Variants in SPOCK3 observed in about 807,000 individuals in gnomAD.
SPOCK3 encodes testican-3.
Under a neutral mutation model 56.6 loss-of-function variants are expected in SPOCK3, and 30 were observed. The ratio of observed to expected loss-of-function variants is 0.53; its 90% CI spans 0.40 to 0.72. SPOCK3 has a LOEUF of 0.72. Ranked by LOEUF, SPOCK3 falls within the 30% of genes least tolerant of loss-of-function variation. SPOCK3 has a pLI of 0.00. For synonymous variants in SPOCK3, 196 were observed against 183.3 expected (o/e 1.07, Z -0.56); for missense variants, 527 against 530.0 (o/e 0.99, Z 0.06).
intron 4 of SPOCK3, among the ~76,000 whole-genome samples, chr4:166,987,228 G>C (rs1747267074): frequency 2.0e-5 from 3 of 152,102 alleles, no homozygotes; most frequent in Admixed American, 2.0e-4. Context: ...AACATGCCAA[G>C]TCCGTTTCTG....
At chr4:166,774,588 G>C (rs1423736607) in intron 7 of SPOCK3, among the ~76,000 whole-genome samples, 5 of 152,136 alleles carry the variant, frequency 3.3e-5, no homozygotes, top group Non-Finnish European at 7.4e-5. Context: ...AAATATTCTT[G>C]TATTTCTTGC....
chr4:166,907,056 C>T (rs531720104), intron 5 of SPOCK3, among the ~76,000 whole-genome samples: 28 of 152,088 alleles, frequency 1.8e-4, no homozygotes, highest in African/African-American at 5.8e-4. Context: ...TATATACACA[C>T]ACATTATACA....
intron 3 of SPOCK3, among the ~76,000 whole-genome samples, chr4:167,018,378 C>T (rs113827530): frequency 6.6e-6 from 1 of 152,078 alleles, no homozygotes. Flanking sequence ...TCACTCTCCA[C>T]CTGGGGTCCT....
chr4:167,039,022 G>A (rs1460443687), intron 3 of SPOCK3, among the ~76,000 whole-genome samples: 2 of 152,154 alleles, frequency 1.3e-5, no homozygotes, highest in Non-Finnish European at 2.9e-5. Flanking sequence ...ATTTATAGAA[G>A]CTAGAAGTCT....
chr4:166,820,738 C>T (rs886803993), intron 6 of SPOCK3, among the ~76,000 whole-genome samples: 7 of 151,724 alleles, frequency 4.6e-5, no homozygotes, highest in African/African-American at 7.3e-5. Flanking sequence ...ATGGGAGGAT[C>T]GCTGGAGCCT....
chr4:167,130,139 T>C (rs114882319), intron 2 of SPOCK3, among the ~76,000 whole-genome samples: 2,277 of 152,186 alleles, frequency 0.015, 64 homozygotes, highest in African/African-American at 0.051. Context: ...GCTCAGCTTC[T>C]CAGTTTTGTA....
chr4:166,850,966 A>G (rs950130741), intron 6 of SPOCK3, among the ~76,000 whole-genome samples: 21 of 152,328 alleles, frequency 1.4e-4, no homozygotes, highest in African/African-American at 5.1e-4. Flanking sequence ...GGAGCCCACA[A>G]CAGCTTAAGG....
In SPOCK3 at chr4:166,737,458, TCTC is replaced by T; in HGVS notation, c.1132+6_1132+8del. 1 of 1,609,412 alleles carries T rather than the reference TCTC, an allele frequency of 6.2e-7. No homozygotes were observed. Among genetic ancestry groups the T allele is most frequent in the East Asian group, 2.2e-5 (1 of 44,812 alleles). On this transcript the variant is annotated splice_donor_region_variant and intron_variant, in intron 10 of 10. Coordinates refer to ENST00000357545, the MANE Select transcript of SPOCK3 (RefSeq NM_001040159.2). ...AGAAAATTATGAAATAAGTAACCCT[TCTC>T]CTTACCACAATCTGCAACACCATTT... is the stretch of plus-strand genomic sequence containing the variant.
chr4:166,873,131 AT>A (rs1474279153), intron 6 of SPOCK3, among the ~76,000 whole-genome samples: 1 of 151,952 alleles, frequency 6.6e-6, no homozygotes, highest in Non-Finnish European at 1.5e-5. Context: ...TGGGAATCAA[AT>A]TTCAACATGA....
At chr4:167,059,420 A>G (rs1416762622) in intron 3 of SPOCK3, among the ~76,000 whole-genome samples, 1 of 152,092 alleles carries the variant, frequency 6.6e-6, no homozygotes, top group East Asian at 1.9e-4. Flanking sequence ...ATCACTGGCC[A>G]TCAGAGAAAT....
chr4:167,045,360 T>C (rs1047593940), intron 3 of SPOCK3, among the ~76,000 whole-genome samples: 1 of 152,102 alleles, frequency 6.6e-6, no homozygotes, highest in Non-Finnish European at 1.5e-5. Flanking sequence ...TGTCTTTCAA[T>C]TGGCACATTT....
chr4:167,171,100 G>A (rs1258446726), intron 2 of SPOCK3, among the ~76,000 whole-genome samples: 1 of 152,030 alleles, frequency 6.6e-6, no homozygotes, highest in Non-Finnish European at 1.5e-5. Flanking sequence ...AAAGACTAAA[G>A]CACCCAATCC....
chr4:166,946,798 G>C (rs963237839), intron 4 of SPOCK3, among the ~76,000 whole-genome samples: 41 of 152,180 alleles, frequency 2.7e-4, no homozygotes, highest in African/African-American at 9.9e-4. Flanking sequence ...GGCAGGAATG[G>C]TGTCTAGTTC....
intron 2 of SPOCK3, among the ~76,000 whole-genome samples, chr4:167,085,072 G>A (rs912408050): frequency 1.3e-5 from 2 of 151,742 alleles, no homozygotes; most frequent in Non-Finnish European, 2.9e-5. Flanking sequence ...ATAGTGATCT[G>A]GATAAAAACT....
At chr4:166,943,289 G>A (rs1438613384) in intron 4 of SPOCK3, among the ~76,000 whole-genome samples, 11 of 152,082 alleles carry the variant, frequency 7.2e-5, no homozygotes, top group Non-Finnish European at 1.3e-4. Flanking sequence ...ATTGATTTCC[G>A]GCCACTCATA....
chr4:166,996,467 C>T (rs918662987), intron 4 of SPOCK3, among the ~76,000 whole-genome samples: 1 of 152,090 alleles, frequency 6.6e-6, no homozygotes, highest in South Asian at 2.1e-4. Flanking sequence ...AGATCTTTCC[C>T]CAAGGGTAAC....
At chr4:166,882,968 A>G (rs1733825936) in intron 6 of SPOCK3, 1 of 152,168 alleles carries the variant, frequency 6.6e-6, no homozygotes, top group Non-Finnish European at 1.5e-5. Context: ...AAATTACAGA[A>G]GAACTTACCA....
rs368012041 is a variant in SPOCK3 at position 166,742,058 on chromosome 4, G to A, written c.933C>T (p.Asp311=). The A allele has an allele frequency of 1.1e-5, 17 of 1,610,688 alleles. No homozygotes were observed. In the African/African-American group the frequency reaches 1.9e-4, roughly 18 times the overall value. ...TGCTGAGCTCAGTCTGGCAAGGTGGGTCTGCAATGACATTAAAAATGTTAC... is the reference window on the plus strand; with the variant it reads ...TGCTGAGCTCAGTCTGGCAAGGTGGATCTGCAATGACATTAAAAATGTTAC... The part of the protein sequence containing the change: ...EWCYCFQRQQ[D]PPCQTELSNI... Residue 311 remains aspartate, a splice_region_variant and synonymous_variant, in exon 9 of 11, where the codon GAC becomes GAT. Coordinates refer to ENST00000357545, the MANE Select transcript of SPOCK3 (RefSeq NM_001040159.2).
chr4:166,800,192 A>AAAAAAAAAAAAAAAAAAAAAAAAAG (rs1372134419), intron 6 of SPOCK3, among the ~76,000 whole-genome samples: 1 of 129,420 alleles, frequency 7.7e-6, no homozygotes, highest in African/African-American at 2.6e-5. Flanking sequence ...AGAAAAAAAA[A>AAAAAAAAAAAAAAAAAAAAAAAAAG]AAAAAAAAAA....
Sources: gnomAD v4.1 joint callset for allele counts (sites outside exome capture counted in the v4.1 genomes callset) on GRCh38, gnomAD v4.1.1 for gene constraint, MANE v1.5 for transcripts, NCBI Gene and HGNC (gene_info 2026-07-23, HGNC 2026-07-21) for gene names.